Variants in IPP observed in about 807,000 individuals in gnomAD.
IPP encodes the protein intracisternal A particle-promoted polypeptide, also known as actin-binding protein IPP.
Under a neutral mutation model 64.1 loss-of-function variants are expected in IPP, and 41 were observed. The ratio of observed to expected loss-of-function variants is 0.64; its 90% confidence interval spans 0.50 to 0.83. IPP has a LOEUF of 0.83. IPP is among the 40% of genes least tolerant of loss of function. The probability of loss-of-function intolerance (pLI) is 0.00; values close to 1 mark genes in which losing one functional copy is unlikely to be tolerated. For synonymous variants in IPP, 214 were observed against 235.2 expected (o/e 0.91, Z 0.83); for missense variants, 649 against 703.0 (o/e 0.92, Z 0.87).
At chr1:45,715,988 T>C (rs1229561711) in intron 7 of IPP, among the ~76,000 whole-genome samples, 1 of 152,210 alleles carries the variant, frequency 6.6e-6, no homozygotes, top group Non-Finnish European at 1.5e-5. Context: ...CATACAACAA[T>C]GGGAAAGTTG....
At chr1:45,722,277 G>A (rs1337171186) in intron 5 of IPP, among the ~76,000 whole-genome samples, 1 of 151,170 alleles carries the variant, frequency 6.6e-6, no homozygotes, top group Non-Finnish European at 1.5e-5. Flanking sequence ...AAAAATACAG[G>A]GTGGTGGCTC....
At chr1:45,695,530 CTACTT>C (rs2148541942), downstream of IPP, among the ~76,000 whole-genome samples, 1 of 152,250 alleles carries the variant, frequency 6.6e-6, no homozygotes, top group African/African-American at 2.4e-5. Flanking sequence ...TCTAATCACT[CTACTT>C]AAGGTGGAGA....
intron 3 of IPP, among the ~76,000 whole-genome samples, chr1:45,738,712 C>T (rs943866565): frequency 4.6e-5 from 7 of 151,418 alleles, no homozygotes; most frequent in Non-Finnish European, 7.4e-5. Flanking sequence ...TGGTGGCGGG[C>T]GCCTGTAGTC....
chr1:45,741,158 T>A lies in IPP; in HGVS notation c.467A>T (p.Glu156Val). The change falls in exon 3 of 9, where the codon GAA (glutamate) becomes GTA (valine). Residue 156 changes from glutamate (E) to valine (V), a missense_variant. Glu to Val is a moderately radical substitution (Grantham distance 121). Coordinates refer to ENST00000396478, the MANE Select transcript of IPP (RefSeq NM_005897.3). Reference sequence around the variant, plus strand: ...GACATGAATGTAGTTTTCTGAGAATTCCAAGAGATCATGGCAGGCAATTTG... The same window carrying A: ...GACATGAATGTAGTTTTCTGAGAATACCAAGAGATCATGGCAGGCAATTTG... ...SEQIACHDLL[E>V]FSENYIHVHF... 5 of 1,614,154 alleles carry A rather than the reference T, an allele frequency of 3.1e-6. No individual in the cohort carries two copies. The highest frequency in any genetic ancestry group is 4.2e-6 in the Non-Finnish European group (5 of 1,180,020).
At chr1:45,742,226 G>A (rs1048854517) in intron 2 of IPP, among the ~76,000 whole-genome samples, 3 of 152,040 alleles carry the variant, frequency 2.0e-5, no homozygotes, top group Non-Finnish European at 2.9e-5. Context: ...TGAGAGTGGA[G>A]GGTAGGAGGA....
At chr1:45,709,188 C>T (rs1359057171) in intron 8 of IPP, among the ~76,000 whole-genome samples, 1 of 150,926 alleles carries the variant, frequency 6.6e-6, no homozygotes, top group Non-Finnish European at 1.5e-5. Context: ...AATCCCAGCC[C>T]TTTGGGAGGC....
intron 8 of IPP, among the ~76,000 whole-genome samples, chr1:45,712,880 T>A (rs868044626): frequency 0.024 from 3,129 of 132,900 alleles, 46 homozygotes; most frequent in East Asian, 0.029. Context: ...AAAAAAAAAA[T>A]ATATATATAT....
At chr1:45,717,767 C>T (rs1242325653) in intron 6 of IPP, among the ~76,000 whole-genome samples, 1 of 152,192 alleles carries the variant, frequency 6.6e-6, no homozygotes, top group Non-Finnish European at 1.5e-5. Context: ...CCCGCCTCAG[C>T]CTCCCAAAGT....
chr1:45,704,355 A>G (rs1176268144), intron 8 of IPP, among the ~76,000 whole-genome samples: 3 of 151,396 alleles, frequency 2.0e-5, no homozygotes, highest in Non-Finnish European at 4.4e-5. Context: ...CTCCTGCCTC[A>G]GCCTCCAGAG....
At chr1:45,713,826 T>C (rs1645622708) in intron 8 of IPP, among the ~76,000 whole-genome samples, 1 of 152,212 alleles carries the variant, frequency 6.6e-6, no homozygotes, top group African/African-American at 2.4e-5. Context: ...CCCAAAGTGC[T>C]GGGATTACAG....
chr1:45,720,985 G>T (rs1645723394), intron 5 of IPP, among the ~76,000 whole-genome samples: 1 of 152,088 alleles, frequency 6.6e-6, no homozygotes, highest in Non-Finnish European at 1.5e-5. Flanking sequence ...AAAAATAAGA[G>T]ATTTGACTAC....
intron 8 of IPP, among the ~76,000 whole-genome samples, chr1:45,711,739 G>C (rs1645593314): frequency 6.9e-6 from 1 of 145,744 alleles, no homozygotes; most frequent in Non-Finnish European, 1.5e-5. Flanking sequence ...AGGCGTCAGA[G>C]TAAGACTCTG....
chr1:45,702,263 G>A (rs1327352651), intron 8 of IPP, among the ~76,000 whole-genome samples: 2 of 150,334 alleles, frequency 1.3e-5, no homozygotes, highest in Admixed American at 6.6e-5. Context: ...TGATTTAATT[G>A]ACATGTTCTC....
downstream of IPP, chr1:45,694,695 T>G: frequency 1.9e-6 from 1 of 532,496 alleles, no homozygotes; most frequent in South Asian, 2.6e-5. Flanking sequence ...TGGACATGTT[T>G]TCCAGTTTTT....
At chr1:45,736,019 G>A (rs565055128) in intron 3 of IPP, among the ~76,000 whole-genome samples, 35 of 151,344 alleles carry the variant, frequency 2.3e-4, no homozygotes, top group African/African-American at 8.3e-4. Context: ...GCTGAGGCAG[G>A]AGAATCACTT....
At position 45,700,264 on chromosome 1, in the gene IPP, G is replaced by A. The variant is rs959355675; in HGVS notation, c.1531-74C>T. 1.4e-5 allele frequency: 21 copies of A among 1,515,006 alleles called. No homozygotes were observed. In the Admixed American group the frequency reaches 3.6e-4, roughly 26 times the overall value. 93.8% of individuals were successfully genotyped at this position (1,515,006 alleles called of 1,614,324 possible). ...AGTAAAGAAATCCACTGAGAAATTC[G>A]ATATCCCAGTTCTTTTTACATGTTT... On this transcript the variant is annotated intron_variant, in intron 8 of 8. Coordinates refer to ENST00000396478, the MANE Select transcript of IPP (RefSeq NM_005897.3).
At chr1:45,743,493 T>C (rs1646094355) in intron 2 of IPP, among the ~76,000 whole-genome samples, 1 of 150,812 alleles carries the variant, frequency 6.6e-6, no homozygotes, top group Non-Finnish European at 1.5e-5. Flanking sequence ...GTGGGAGGAT[T>C]GCTTGAGCCT....
chr1:45,724,344 A>C (rs1157719389), intron 5 of IPP, among the ~76,000 whole-genome samples: 1 of 151,448 alleles, frequency 6.6e-6, no homozygotes, highest in Non-Finnish European at 1.5e-5. Flanking sequence ...ACCACCTCCC[A>C]GCCGCCTGCC....
At chr1:45,707,307 C>T (rs893481769) in intron 8 of IPP, among the ~76,000 whole-genome samples, 1 of 151,188 alleles carries the variant, frequency 6.6e-6, no homozygotes, top group African/African-American at 2.4e-5. Flanking sequence ...CCTGTAGTCC[C>T]AGCTACTTGG....
Sources: gnomAD v4.1 joint callset for allele counts (sites outside exome capture counted in the v4.1 genomes callset) on GRCh38, gnomAD v4.1.1 for gene constraint, MANE v1.5 for transcripts, NCBI Gene and HGNC (gene_info 2026-07-23, HGNC 2026-07-21) for gene names.